NDRG3: variants seen among roughly 807,000 people sequenced by gnomAD.
NDRG3 encodes NDRG family member 3.
Under a neutral mutation model 57.2 loss-of-function variants are expected in NDRG3, and 23 were observed. The observed-to-expected ratio is 0.40, with a 90% CI of 0.29 to 0.57. The LOEUF (loss-of-function observed/expected upper bound fraction) is 0.57. Among genes scored for constraint, NDRG3 ranks in the 20% least tolerant of loss-of-function variants. NDRG3 has a pLI of 0.42. For missense variants in NDRG3, 384 were observed against 457.3 expected (o/e 0.84, Z 1.46); for synonymous variants, 132 against 162.6 (o/e 0.81, Z 1.43).
At chr20:36,745,365 T>TTGCTCTGAAATCAGA (rs1307742873) in intron 1 of NDRG3, among the ~76,000 whole-genome samples, 1 of 152,138 alleles carries the variant, frequency 6.6e-6, no homozygotes, top group Non-Finnish European at 1.5e-5. Context: ...ACTTCAGAGA[T>TTGCTCTGAAATCAGA]GACAAGTGAT....
At chr20:36,682,492 T>C (rs1012224800) in intron 7 of NDRG3, 26 bp downstream of exon 7, 24 of 1,602,202 alleles carry the variant, frequency 1.5e-5, no homozygotes, top group East Asian at 4.5e-5. Context: ...CTCAAGGATG[T>C]TGAGGCTAAT....
At chr20:36,659,486 AG>A (rs984856545) in intron 13 of NDRG3, among the ~76,000 whole-genome samples, 3 of 152,064 alleles carry the variant, frequency 2.0e-5, no homozygotes, top group African/African-American at 7.2e-5. Context: ...ATTTTACCAG[AG>A]GTTTGGGTGG....
At chr20:36,743,256 G>C (rs1986006154) in intron 1 of NDRG3, among the ~76,000 whole-genome samples, 1 of 152,198 alleles carries the variant, frequency 6.6e-6, no homozygotes, top group Non-Finnish European at 1.5e-5. Context: ...CACTTTGGGA[G>C]GCAGAGGCAG....
At chr20:36,664,978 T>G (rs921001247) in intron 12 of NDRG3, 68 bp downstream of exon 12, 111 of 1,494,746 alleles carry the variant, frequency 7.4e-5, no homozygotes, top group Non-Finnish European at 9.6e-5. Flanking sequence ...CGTGAGCCAC[T>G]GCACCTGGCC....
chr20:36,745,682 C>A (rs973835379), intron 1 of NDRG3, among the ~76,000 whole-genome samples: 3 of 152,224 alleles, frequency 2.0e-5, no homozygotes, highest in Admixed American at 6.5e-5. Flanking sequence ...GATGGATGAG[C>A]AACCCCAAGG....
chr20:36,656,332 G>T, intron 15 of NDRG3, 28 bp downstream of exon 15: 4 of 1,606,756 alleles, frequency 2.5e-6, no homozygotes, highest in Non-Finnish European at 3.4e-6. Flanking sequence ...CTAAATCGTT[G>T]CTAGATAGAA....
intron 3 of NDRG3, among the ~76,000 whole-genome samples, chr20:36,695,161 CAATA>C (rs1249183529): frequency 6.6e-6 from 1 of 152,172 alleles, no homozygotes; most frequent in Non-Finnish European, 1.5e-5. Context: ...CTTCCCCAAT[CAATA>C]CTCATAATTT....
At chr20:36,738,912 T>TC (rs1319227456) in intron 1 of NDRG3, among the ~76,000 whole-genome samples, 3 of 130,928 alleles carry the variant, frequency 2.3e-5, no homozygotes, top group Admixed American at 8.3e-5. Flanking sequence ...TCACCTGAGG[T>TC]CAGGAGTTCA....
At chr20:36,738,696 A>G (rs947453005) in intron 1 of NDRG3, among the ~76,000 whole-genome samples, 4 of 150,788 alleles carry the variant, frequency 2.7e-5, no homozygotes, top group Admixed American at 6.6e-5. Flanking sequence ...GGTGGCATGC[A>G]CCTGTAATCC....
chr20:36,735,391 A>T (rs1985551231), intron 1 of NDRG3, among the ~76,000 whole-genome samples: 1 of 152,182 alleles, frequency 6.6e-6, no homozygotes, highest in Non-Finnish European at 1.5e-5. Flanking sequence ...AAAATCCAAA[A>T]CCTGAAACAC....
At chr20:36,676,433 C>G (rs1352587348) in intron 8 of NDRG3, among the ~76,000 whole-genome samples, 1 of 152,080 alleles carries the variant, frequency 6.6e-6, no homozygotes, top group East Asian at 1.9e-4. Flanking sequence ...CTTTTTCTAA[C>G]CTAAAAAGTG....
chr20:36,686,834 G>A (rs1421493164), intron 5 of NDRG3, among the ~76,000 whole-genome samples: 1 of 152,178 alleles, frequency 6.6e-6, no homozygotes, highest in Non-Finnish European at 1.5e-5. Context: ...TTGGGCCTAA[G>A]TAGTTGGGAG....
intron 3 of NDRG3, among the ~76,000 whole-genome samples, chr20:36,695,027 C>G (rs1224520212): frequency 6.6e-6 from 1 of 152,164 alleles, no homozygotes; most frequent in Non-Finnish European, 1.5e-5. Context: ...GATAGAAGAA[C>G]ATAAATTGTG....
intron 3 of NDRG3, 119 bp downstream of exon 3, chr20:36,706,853 C>T (rs1983576600): frequency 1.2e-6 from 1 of 819,846 alleles, no homozygotes; most frequent in Admixed American, 2.5e-5. Flanking sequence ...ACCAAACGAA[C>T]ATTAAGGACT....
intron 2 of NDRG3, among the ~76,000 whole-genome samples, chr20:36,712,585 A>ATTTTTT (rs1273225549): frequency 0.01 from 86 of 8,476 alleles, 3 homozygotes; most frequent in Non-Finnish European, 0.014. Flanking sequence ...ATATATATAT[A>ATTTTTT]TATTTTTTTT....
intron 3 of NDRG3, among the ~76,000 whole-genome samples, chr20:36,693,351 C>T (rs1451932768): frequency 6.6e-6 from 1 of 150,992 alleles, no homozygotes; most frequent in Non-Finnish European, 1.5e-5. Flanking sequence ...TGCCAACCCA[C>T]TGTGTAGTCA....
At chr20:36,679,604 A>T (rs1981066242) in intron 8 of NDRG3, among the ~76,000 whole-genome samples, 1 of 151,878 alleles carries the variant, frequency 6.6e-6, no homozygotes, top group East Asian at 1.9e-4. Flanking sequence ...CCCAGGTTCA[A>T]GTGATTATCC....
At chr20:36,667,211 T>C (rs1158341651) in intron 9 of NDRG3, among the ~76,000 whole-genome samples, 2 of 152,250 alleles carry the variant, frequency 1.3e-5, no homozygotes, top group Admixed American at 1.3e-4. Flanking sequence ...TATAATTATA[T>C]ATTCCATTGC....
chr20:36,687,746 A>G (rs1237881443), intron 4 of NDRG3, 134 bp from the exon 5 acceptor site: 1 of 1,007,378 alleles, frequency 9.9e-7, no homozygotes, highest in African/African-American at 1.6e-5. Flanking sequence ...GTGTCTGAAC[A>G]ATCTGTCTGA....
Sources: allele counts gnomAD v4.1 joint callset (sites outside exome capture counted in the v4.1 genomes callset), GRCh38; gene constraint gnomAD v4.1.1; transcripts MANE v1.5; gene names NCBI Gene and HGNC (gene_info 2026-07-23, HGNC 2026-07-21).